The following UHRF2 variants were observed in gnomAD, a reference collection of about 807,000 sequenced individuals.
UHRF2 encodes the protein E3 ubiquitin-protein ligase UHRF2.
Under a neutral mutation model 96.8 loss-of-function variants are expected in UHRF2, and 23 were observed. That is an observed-to-expected ratio of 0.24 (90% CI 0.17 to 0.34). The LOEUF is 0.34. UHRF2 is among the 10% of genes least tolerant of loss of function. The pLI is 1.00. For synonymous variants in UHRF2, 385 were observed against 332.6 expected, an observed-to-expected ratio of 1.16 and a Z score of -1.72; for missense variants, 685 against 981.5, an observed-to-expected ratio of 0.70 and a Z score of 4.04.
intron 6 of UHRF2, among the ~76,000 whole-genome samples, chr9:6,479,077 C>G (rs1388430795): frequency 6.6e-6 from 1 of 152,114 alleles, no homozygotes; most frequent in Non-Finnish European, 1.5e-5. Flanking sequence ...CATTAGCATT[C>G]TAGAATCTCT....
chr9:6,456,851 G>T (rs1822209434), intron 3 of UHRF2, among the ~76,000 whole-genome samples: 1 of 152,118 alleles, frequency 6.6e-6, no homozygotes, highest in Non-Finnish European at 1.5e-5. Context: ...GAAGATGTGT[G>T]GCGTTATTTC....
At chr9:6,472,761 C>T (rs550354473) in intron 4 of UHRF2, among the ~76,000 whole-genome samples, 2 of 152,232 alleles carry the variant, frequency 1.3e-5, no homozygotes, top group South Asian at 4.2e-4. Flanking sequence ...CAGTAATTGA[C>T]AGCTGGCAAC....
intron 4 of UHRF2, among the ~76,000 whole-genome samples, chr9:6,470,971 T>TA (rs1184399047): frequency 6.6e-6 from 1 of 151,996 alleles, no homozygotes; most frequent in African/African-American, 2.4e-5. Flanking sequence ...AAGACAATGA[T>TA]CAACAAACTA....
chr9:6,435,889 C>T (rs1460403340), intron 3 of UHRF2, among the ~76,000 whole-genome samples: 1 of 152,104 alleles, frequency 6.6e-6, no homozygotes, highest in Non-Finnish European at 1.5e-5. Context: ...GATTACAGGC[C>T]TGAGCCACCA....
intron 8 of UHRF2, among the ~76,000 whole-genome samples, chr9:6,486,597 T>A (rs1824303729): frequency 6.6e-6 from 1 of 152,148 alleles, no homozygotes; most frequent in African/African-American, 2.4e-5. Flanking sequence ...ACCTAAAGGA[T>A]ATGTTTGAGG....
intron 1 of UHRF2, among the ~76,000 whole-genome samples, chr9:6,414,808 C>CT (rs1263531600): frequency 1.3e-5 from 2 of 151,994 alleles, no homozygotes; most frequent in Non-Finnish European, 2.9e-5. Context: ...AAGGAGAGAG[C>CT]TTTTTTTTCC....
intron 4 of UHRF2, among the ~76,000 whole-genome samples, chr9:6,461,897 G>A (rs998535230): frequency 1.3e-5 from 2 of 151,364 alleles, no homozygotes; most frequent in African/African-American, 4.9e-5. Context: ...AAACATCCTT[G>A]TATATGCATT....
intron 3 of UHRF2, among the ~76,000 whole-genome samples, chr9:6,451,743 T>C (rs1821880450): frequency 6.6e-6 from 1 of 151,432 alleles, no homozygotes; most frequent in South Asian, 2.1e-4. Flanking sequence ...AGTGCTGGGA[T>C]TACAGGCGTG....
At chr9:6,419,086 A>G (rs1397042185) in intron 1 of UHRF2, among the ~76,000 whole-genome samples, 1 of 152,148 alleles carries the variant, frequency 6.6e-6, no homozygotes, top group Admixed American at 6.5e-5. Context: ...ACTTTGTTTT[A>G]ACTTAATTAC....
intron 4 of UHRF2, among the ~76,000 whole-genome samples, chr9:6,466,098 C>T (rs1822841832): frequency 6.6e-6 from 1 of 152,050 alleles, no homozygotes; most frequent in South Asian, 2.1e-4. Context: ...ATTAATTTAC[C>T]TTATTAAAAC....
At chr9:6,451,708 T>C (rs925904549) in intron 3 of UHRF2, among the ~76,000 whole-genome samples, 2 of 152,142 alleles carry the variant, frequency 1.3e-5, no homozygotes, top group Non-Finnish European at 2.9e-5. Context: ...CCTGACCTCG[T>C]GATCCGCCTT....
At chr9:6,488,964 C>T (rs1203168127) in intron 9 of UHRF2, among the ~76,000 whole-genome samples, 2 of 151,946 alleles carry the variant, frequency 1.3e-5, no homozygotes, top group African/African-American at 2.4e-5. Context: ...AGGCATGCAT[C>T]GCCATTGACT....
intron 9 of UHRF2, among the ~76,000 whole-genome samples, chr9:6,488,141 G>GCTGCTTGC (rs1366169986): frequency 6.6e-6 from 1 of 151,334 alleles, no homozygotes; most frequent in Non-Finnish European, 1.5e-5. Flanking sequence ...TACCCAGGAG[G>GCTGCTTGC]ATGAGGCAGG....
At chr9:6,434,201 A>T (rs1181788214) in intron 3 of UHRF2, 28 bp downstream of exon 3, 1 of 1,574,486 alleles carries the variant, frequency 6.4e-7, no homozygotes, top group Non-Finnish European at 8.6e-7. Context: ...TGAGGACTTT[A>T]TTCATATTTT....
rs761612617 is a variant in UHRF2, at chr9:6,493,950, G to A, written c.1604+18G>A. 1.2e-6 allele frequency: 2 copies of A among 1,603,642 alleles called. No individual in the cohort carries two copies. The highest frequency in any genetic ancestry group is 2.2e-5 in the South Asian group (2 of 89,898). On this transcript the variant is annotated intron_variant, in intron 10 of 15. Transcript: ENST00000276893. ...ATGAACAGGTACTACTATAGACACT[G>A]TTTAGAATTTGAACATTGAATAAAA...
At chr9:6,468,640 G>A (rs1385891080) in intron 4 of UHRF2, 5 of 455,948 alleles carry the variant, frequency 1.1e-5, no homozygotes. Context: ...CAAGCATATG[G>A]CCTGCTTTCA....
At chr9:6,478,697 A>G (rs1490587433) in intron 6 of UHRF2, among the ~76,000 whole-genome samples, 1 of 152,214 alleles carries the variant, frequency 6.6e-6, no homozygotes, top group African/African-American at 2.4e-5. Flanking sequence ...TGAGTCAGAA[A>G]TAACTGATGT....
At chr9:6,445,981 C>CTTTTTTTTTTTTTTTTTTTTTTT (rs57147850) in intron 3 of UHRF2, among the ~76,000 whole-genome samples, 1 of 78,906 alleles carries the variant, frequency 1.3e-5, no homozygotes, top group African/African-American at 5.2e-5. Flanking sequence ...CCCCGCCACC[C>CTTTTTTTTTTTTTTTTTTTTTTT]TTTTTTTTTT....
chr9:6,477,284 G>A (rs1443496992), intron 5 of UHRF2, among the ~76,000 whole-genome samples: 1 of 150,804 alleles, frequency 6.6e-6, no homozygotes, highest in Non-Finnish European at 1.5e-5. Flanking sequence ...CAGCACTTTG[G>A]GAGGTTGAGG....
Sources: allele counts gnomAD v4.1 joint callset (sites outside exome capture counted in the v4.1 genomes callset), GRCh38; gene constraint gnomAD v4.1.1; transcripts MANE v1.5; gene names NCBI Gene and HGNC (gene_info 2026-07-23, HGNC 2026-07-21).